Variants in HECW2 observed in about 807,000 individuals in gnomAD.
HECW2 encodes E3 ubiquitin-protein ligase HECW2.
HECW2 carries 61 observed loss-of-function variants against 175.2 expected under a neutral mutation model. The ratio of observed to expected loss-of-function variants is 0.35; its 90% confidence interval spans 0.28 to 0.43. HECW2 has a LOEUF of 0.43. Among genes scored for constraint, HECW2 ranks in the 20% least tolerant of loss-of-function variants. The pLI is 1.00. For missense variants in HECW2, 1,524 were observed against 2,000.5 expected, an observed-to-expected ratio of 0.76 and a Z score of 4.54; for synonymous variants, 671 against 731.0, an observed-to-expected ratio of 0.92 and a Z score of 1.32.
At chr2:196,537,015 C>T (rs554425553) in intron 1 of HECW2, among the ~76,000 whole-genome samples, 79 of 152,244 alleles carry the variant, frequency 5.2e-4, no homozygotes, top group African/African-American at 1.8e-3. Context: ...AAAGCAGGGG[C>T]GAAAACCAAT....
chr2:196,315,696 T>A (rs1691669590), intron 10 of HECW2: 1 of 152,202 alleles, frequency 6.6e-6, no homozygotes, highest in Non-Finnish European at 1.5e-5. Flanking sequence ...CAAACACCAA[T>A]ATTTAAACAA....
chr2:196,285,449 T>C (rs1253144034), intron 14 of HECW2, among the ~76,000 whole-genome samples: 1 of 152,224 alleles, frequency 6.6e-6, no homozygotes, highest in Non-Finnish European at 1.5e-5. Flanking sequence ...AGGACAATAA[T>C]TGATAAGCCA....
chr2:196,371,777 A>C (rs982973114), intron 2 of HECW2, among the ~76,000 whole-genome samples: 2 of 152,218 alleles, frequency 1.3e-5, no homozygotes, highest in African/African-American at 4.8e-5. Context: ...CTTCTTGGTT[A>C]GTCCAGTGAG....
chr2:196,337,909 GC>G lies in HECW2; in HGVS notation c.401-3392del, dbSNP rs1692612500. Reference sequence around the variant, plus strand: ...AGTCATAGATCATGGCAATATAAGGGCCCCTTTTGATAATCTTCAGGATACA... The same window carrying G: ...AGTCATAGATCATGGCAATATAAGGGCCCTTTTGATAATCTTCAGGATACA... On this transcript the variant is annotated intron_variant, in intron 3 of 28. Transcript: ENST00000644978. Among the ~76,000 whole-genome samples the G allele has an allele frequency of 2.6e-5, 4 of 152,202 alleles. 1 individual carries two copies. The South Asian group carries it at 8.3e-4, about 32-fold the overall frequency.
At chr2:196,260,334 C>T (rs1400174644) in intron 17 of HECW2, 4 of 152,148 alleles carry the variant, frequency 2.6e-5, no homozygotes, top group African/African-American at 9.7e-5. Context: ...CTTTCAGGAA[C>T]CAGACACTGG....
intron 1 of HECW2, among the ~76,000 whole-genome samples, chr2:196,483,645 T>C (rs1163481677): frequency 6.6e-6 from 1 of 152,220 alleles, no homozygotes; most frequent in Non-Finnish European, 1.5e-5. Flanking sequence ...AATTTGCTCA[T>C]GCCTCCAGTT....
At chr2:196,323,908 G>GTTTTTTTTTTTTTTTTTT (rs1227754141) in intron 6 of HECW2, among the ~76,000 whole-genome samples, 1 of 63,218 alleles carries the variant, frequency 1.6e-5, no homozygotes, top group Non-Finnish European at 2.7e-5. Context: ...AGTTTTTTTT[G>GTTTTTTTTTTTTTTTTTT]TTTTTTGTTT....
intron 1 of HECW2, among the ~76,000 whole-genome samples, chr2:196,575,519 T>C (rs6721073): frequency 0.041 from 6,203 of 152,112 alleles, 413 homozygotes; most frequent in African/African-American, 0.14. Flanking sequence ...CAAATGTCCA[T>C]CAGTACATGA....
At chr2:196,550,338 G>A (rs1304185868) in intron 1 of HECW2, among the ~76,000 whole-genome samples, 1 of 152,024 alleles carries the variant, frequency 6.6e-6, no homozygotes, top group Non-Finnish European at 1.5e-5. Context: ...GAACAGTGAT[G>A]TGACTCCTCT....
chr2:196,495,498 G>C (rs1359436544), intron 1 of HECW2, among the ~76,000 whole-genome samples: 2 of 152,198 alleles, frequency 1.3e-5, no homozygotes, highest in East Asian at 1.9e-4. Context: ...TGAGTGGTCA[G>C]AGAAAGAGAG....
intron 14 of HECW2, chr2:196,291,409 T>C (rs1690599102): frequency 6.6e-6 from 1 of 152,202 alleles, no homozygotes; most frequent in Non-Finnish European, 1.5e-5. Context: ...TATTTGTCTA[T>C]TGCCTGTCTC....
In HECW2 at chr2:196,196,265, T is replaced by G. The variant is rs543608813; in HGVS notation, c.*5012A>C. 1.3e-5 allele frequency: 2 copies of G among 152,392 alleles called. No individual in the cohort carries two copies. The highest frequency in any genetic ancestry group is 1.9e-4 in the East Asian group (1 of 5,192). 9.4% of individuals were successfully genotyped at this position (152,392 alleles called of 1,614,324 possible). A position where few individuals can be genotyped will look rare whatever the true frequency, so the allele number is the denominator to read the frequency against. ...TCCTCCTTTTTTATTTTTATCATCCTTTCAGTGGGCAGTAGCTGGCCTTAA... is the reference window on the plus strand; with the variant it reads ...TCCTCCTTTTTTATTTTTATCATCCGTTCAGTGGGCAGTAGCTGGCCTTAA... On this transcript the variant is annotated 3_prime_UTR_variant, in exon 29 of 29. Transcript: ENST00000644978.
intron 3 of HECW2, among the ~76,000 whole-genome samples, chr2:196,335,349 T>A (rs1348631838): frequency 6.6e-6 from 1 of 152,232 alleles, no homozygotes; most frequent in Non-Finnish European, 1.5e-5. Context: ...GGAATTTCTC[T>A]GTATACAAAG....
chr2:196,518,902 G>A (rs1290426655), intron 1 of HECW2, among the ~76,000 whole-genome samples: 2 of 152,096 alleles, frequency 1.3e-5, no homozygotes, highest in Non-Finnish European at 1.5e-5. Flanking sequence ...CGGTGTTGGC[G>A]TCTGTCTCCA....
intron 13 of HECW2, among the ~76,000 whole-genome samples, chr2:196,304,324 T>C (rs73988148): frequency 0.011 from 1,625 of 152,180 alleles, 28 homozygotes; most frequent in African/African-American, 0.037. Flanking sequence ...GTCCACCTGA[T>C]CTAAAATAGT....
At chr2:196,435,402 T>C (rs1695840041) in intron 1 of HECW2, among the ~76,000 whole-genome samples, 1 of 152,236 alleles carries the variant, frequency 6.6e-6, no homozygotes, top group Non-Finnish European at 1.5e-5. Context: ...CAGTGAGTCA[T>C]GCAGCACATC....
intron 1 of HECW2, among the ~76,000 whole-genome samples, chr2:196,567,897 C>T (rs1392809976): frequency 6.6e-6 from 1 of 152,118 alleles, no homozygotes; most frequent in Non-Finnish European, 1.5e-5. Context: ...AATATTTTAT[C>T]TTAAAGCTTG....
intron 15 of HECW2, among the ~76,000 whole-genome samples, chr2:196,278,133 A>AAAAAATATATATATATATATATATAT (rs531920307): frequency 1.5e-5 from 1 of 66,552 alleles, no homozygotes; most frequent in South Asian, 6.4e-4. Flanking sequence ...ATAATTAAAA[A>AAAAAATATATATATATATATATATAT]ATATATATAT....
At chr2:196,566,699 A>ATTT (rs58391487) in intron 1 of HECW2, among the ~76,000 whole-genome samples, 2 of 94,206 alleles carry the variant, frequency 2.1e-5, no homozygotes, top group Non-Finnish European at 4.0e-5. Flanking sequence ...CACCCAGCTA[A>ATTT]TTTTTTTTTT....
Sources: allele counts gnomAD v4.1 joint callset (sites outside exome capture counted in the v4.1 genomes callset), GRCh38; gene constraint gnomAD v4.1.1; transcripts MANE v1.5; gene names NCBI Gene and HGNC (gene_info 2026-07-23, HGNC 2026-07-21).